The following SULT1E1 variants were observed in gnomAD, a reference collection of about 807,000 sequenced individuals.
SULT1E1 encodes sulfotransferase family 1E member 1.
A neutral mutation model predicts 33.6 loss-of-function variants in SULT1E1; 36 were observed. The observed-to-expected ratio is 1.07, with a 90% CI of 0.82 to 1.41. The LOEUF is 1.41. Ranked by LOEUF, SULT1E1 falls within the 40% of genes most tolerant of loss-of-function variation. The pLI is 0.00. For missense variants in SULT1E1, 371 were observed against 345.7 expected, an observed-to-expected ratio of 1.07 and a Z score of -0.58; for synonymous variants, 121 against 111.7, an observed-to-expected ratio of 1.08 and a Z score of -0.53.
At chr4:69,826,187 C>T in the SULT1E1 span, among the ~76,000 whole-genome samples, 9 of 152,264 alleles carry the variant, frequency 5.9e-5, no homozygotes, top group Admixed American at 3.9e-4. Flanking sequence ...CCTTCCTTCC[C>T]TCAGGGTATG....
chr4:69,833,156 G>A, the SULT1E1 span, among the ~76,000 whole-genome samples: 1 of 152,024 alleles, frequency 6.6e-6, no homozygotes, highest in East Asian at 1.9e-4. Context: ...TGGAACCCTA[G>A]GCATGATACT....
intron 5 of SULT1E1, 103 bp downstream of exon 5, chr4:69,849,334 C>T: frequency 7.3e-7 from 1 of 1,368,208 alleles, no homozygotes; most frequent in Non-Finnish European, 1.0e-6. Flanking sequence ...AACTATGAAT[C>T]AGGGAAGAAA....
At chr4:69,840,705 T>C (rs866682707), downstream of SULT1E1, among the ~76,000 whole-genome samples, 1 of 152,158 alleles carries the variant, frequency 6.6e-6, no homozygotes. Context: ...TGTTGAAAAA[T>C]TGGAGTTAGA....
intron 7 of SULT1E1, among the ~76,000 whole-genome samples, chr4:69,843,820 G>C (rs1186636275): frequency 1.3e-5 from 2 of 152,170 alleles, no homozygotes; most frequent in Non-Finnish European, 2.9e-5. Flanking sequence ...TCTTTCTGCG[G>C]AATTTCTGGT....
At chr4:69,846,305 C>CAAAAAAAAAAAAAAAAAAAAAAG (rs34408656) in intron 6 of SULT1E1, among the ~76,000 whole-genome samples, 1 of 107,040 alleles carries the variant, frequency 9.3e-6, no homozygotes, top group Admixed American at 1.0e-4. Flanking sequence ...ACAAAACAAT[C>CAAAAAAAAAAAAAAAAAAAAAAG]AAAAAAAAAA....
downstream of SULT1E1, among the ~76,000 whole-genome samples, chr4:69,839,168 C>T (rs1578099917): frequency 1.3e-5 from 2 of 152,298 alleles, no homozygotes; most frequent in East Asian, 3.9e-4. Context: ...GACAGAATGT[C>T]TATTTTCTGT....
chr4:69,840,914 C>T (rs192091126), downstream of SULT1E1, among the ~76,000 whole-genome samples: 1,490 of 152,112 alleles, frequency 9.8e-3, 18 homozygotes, highest in South Asian at 0.023. Flanking sequence ...GGCGTGGTGG[C>T]GGCCGCCTGT....
At position 69,844,146 on chromosome 4, in the gene SULT1E1, C is replaced by A. The variant is rs1272371085; in HGVS notation, c.772+15G>T. 1 of 1,613,646 alleles carries A rather than the reference C, an allele frequency of 6.2e-7. No individual in the cohort carries two copies. The highest frequency in any genetic ancestry group is 1.7e-5 in the Admixed American group (1 of 60,006). ...TGACTTCCTCTAGTATCGAGGCAAACCACATTTTTCTCACCCTTTCTCATG... is the reference window on the plus strand; with the variant it reads ...TGACTTCCTCTAGTATCGAGGCAAAACACATTTTTCTCACCCTTTCTCATG... On this transcript the variant is annotated intron_variant, in intron 7 of 7. Transcript: ENST00000226444.
chr4:69,854,779 C>T (rs995264151), intron 3 of SULT1E1, among the ~76,000 whole-genome samples: 6 of 151,896 alleles, frequency 4.0e-5, no homozygotes, highest in South Asian at 2.1e-4. Context: ...CACAGATGAA[C>T]GTTTTGATAG....
At chr4:69,859,538 G>A (rs1319951393) in intron 1 of SULT1E1, among the ~76,000 whole-genome samples, 1 of 152,088 alleles carries the variant, frequency 6.6e-6, no homozygotes, top group African/African-American at 2.4e-5. Flanking sequence ...AAGCTCTCTA[G>A]TTTCTACTAA....
intron 4 of SULT1E1, among the ~76,000 whole-genome samples, chr4:69,850,595 C>A (rs1721081036): frequency 2.0e-5 from 3 of 152,038 alleles, no homozygotes; most frequent in Non-Finnish European, 4.4e-5. Context: ...CCATATTGAA[C>A]TTTTCCAATC....
chr4:69,827,314 A>G, the SULT1E1 span, among the ~76,000 whole-genome samples: 1 of 152,186 alleles, frequency 6.6e-6, no homozygotes, highest in Non-Finnish European at 1.5e-5. Context: ...TGACAGCTGA[A>G]GAAAGGGACA....
At chr4:69,855,578 T>C in intron 2 of SULT1E1, 152 bp from the exon 3 acceptor site, 1 of 646,304 alleles carries the variant, frequency 1.5e-6, no homozygotes, top group Non-Finnish European at 2.3e-6. Flanking sequence ...ATATTTTCTA[T>C]AATATTTTAT....
the SULT1E1 span, among the ~76,000 whole-genome samples, chr4:69,831,139 A>T: frequency 6.6e-6 from 1 of 152,216 alleles, no homozygotes; most frequent in Admixed American, 6.5e-5. Context: ...GGCCTCACAG[A>T]TGAACCAGCA....
intron 4 of SULT1E1, among the ~76,000 whole-genome samples, chr4:69,851,735 C>T (rs1388423770): frequency 2.6e-5 from 4 of 152,146 alleles, no homozygotes; most frequent in Non-Finnish European, 5.9e-5. Context: ...AAATATCCAA[C>T]AATGATAGAC....
chr4:69,822,795 C>T, the SULT1E1 span, among the ~76,000 whole-genome samples: 1 of 152,128 alleles, frequency 6.6e-6, no homozygotes, highest in African/African-American at 2.4e-5. Flanking sequence ...AGCTTTCCCC[C>T]TCGACCGTTG....
chr4:69,840,717 T>G (rs774715236), downstream of SULT1E1, among the ~76,000 whole-genome samples: 6 of 152,190 alleles, frequency 3.9e-5, no homozygotes, highest in Non-Finnish European at 7.3e-5. Context: ...GGAGTTAGAC[T>G]AAGGTAAATT....
At chr4:69,858,857 A>G (rs1209873369) in intron 1 of SULT1E1, among the ~76,000 whole-genome samples, 1 of 152,092 alleles carries the variant, frequency 6.6e-6, no homozygotes, top group Admixed American at 6.6e-5. Flanking sequence ...TACTCATGTG[A>G]ATTACTTTCT....
downstream of SULT1E1, among the ~76,000 whole-genome samples, chr4:69,836,903 C>A (rs147714608): frequency 8.5e-5 from 13 of 152,166 alleles, no homozygotes; most frequent in East Asian, 2.5e-3. Flanking sequence ...AAAAAGTTTT[C>A]TATTTTGTAA....
Sources: allele counts gnomAD v4.1 joint callset (sites outside exome capture counted in the v4.1 genomes callset), GRCh38; gene constraint gnomAD v4.1.1; transcripts MANE v1.5; gene names NCBI Gene and HGNC (gene_info 2026-07-23, HGNC 2026-07-21).